The following RBFOX2 variants were observed in gnomAD, a reference collection of about 807,000 sequenced individuals.
RBFOX2 encodes RNA binding fox-1 homolog 2, also known as RNA binding protein fox-1 homolog 2.
RBFOX2 carries 10 observed loss-of-function variants against 49.1 expected under a neutral mutation model. The ratio of observed to expected loss-of-function variants is 0.20; its 90% CI spans 0.13 to 0.35. The LOEUF (loss-of-function observed/expected upper bound fraction) is 0.35. RBFOX2 is among the 10% of genes least tolerant of loss of function. The pLI is 1.00. For missense variants in RBFOX2, 323 were observed against 486.9 expected, an observed-to-expected ratio of 0.66 and a Z score of 3.17; for synonymous variants, 183 against 187.4, an observed-to-expected ratio of 0.98 and a Z score of 0.19.
intron 1 of RBFOX2, among the ~76,000 whole-genome samples, chr22:35,846,992 C>A (rs1419267715): frequency 6.6e-6 from 1 of 152,150 alleles, no homozygotes; most frequent in Non-Finnish European, 1.5e-5. Flanking sequence ...CCTTAACTTG[C>A]AACAAGTTAC....
intron 1 of RBFOX2, among the ~76,000 whole-genome samples, chr22:35,948,629 G>A (rs1433130336): frequency 1.3e-5 from 2 of 152,220 alleles, no homozygotes; most frequent in Non-Finnish European, 2.9e-5. Context: ...AAGCTGCAGT[G>A]AGCTGAGATT....
chr22:36,002,881 C>T (rs2058484017), intron 1 of RBFOX2, among the ~76,000 whole-genome samples: 1 of 152,248 alleles, frequency 6.6e-6, no homozygotes, highest in South Asian at 2.1e-4. Flanking sequence ...CCACCTTGGC[C>T]TCCCAAAGTG....
chr22:35,763,332 C>T (rs956907568), intron 6 of RBFOX2, among the ~76,000 whole-genome samples: 5 of 152,114 alleles, frequency 3.3e-5, no homozygotes, highest in Admixed American at 6.5e-5. Flanking sequence ...GAGGCTGAGG[C>T]GGAGGGATCA....
At chr22:35,983,367 T>C (rs966632762) in intron 1 of RBFOX2, among the ~76,000 whole-genome samples, 1 of 151,384 alleles carries the variant, frequency 6.6e-6, no homozygotes, top group Non-Finnish European at 1.5e-5. Flanking sequence ...CAGAACCTGA[T>C]AGAAAAGTAA....
intron 1 of RBFOX2, among the ~76,000 whole-genome samples, chr22:35,945,624 G>T (rs1256825429): frequency 6.6e-6 from 1 of 152,038 alleles, no homozygotes; most frequent in Admixed American, 6.5e-5. Flanking sequence ...TTTATCTTTT[G>T]TAGGGACAAG....
intron 9 of RBFOX2, chr22:35,747,295 T>C (rs1373010329): frequency 6.6e-6 from 1 of 152,228 alleles, no homozygotes; most frequent in Non-Finnish European, 1.5e-5. Context: ...CAATTACAAA[T>C]TTCTGAGGAT....
chr22:35,851,963 A>G (rs1341495957), intron 1 of RBFOX2, among the ~76,000 whole-genome samples: 1 of 152,190 alleles, frequency 6.6e-6, no homozygotes, highest in Non-Finnish European at 1.5e-5. Flanking sequence ...GTGCTTTGCC[A>G]TACCTTAAGG....
chr22:35,818,412 C>T (rs1234286884), intron 1 of RBFOX2, among the ~76,000 whole-genome samples: 1 of 152,186 alleles, frequency 6.6e-6, no homozygotes, highest in African/African-American at 2.4e-5. Flanking sequence ...CCAAACTTTT[C>T]ACTACAATCT....
At chr22:35,963,228 G>A (rs1400367336), upstream of RBFOX2, among the ~76,000 whole-genome samples, 1 of 152,126 alleles carries the variant, frequency 6.6e-6, no homozygotes, top group Non-Finnish European at 1.5e-5. Flanking sequence ...CTTTATAACT[G>A]TTGTGGAAAA....
chr22:35,900,593 T>TA (rs34716261), intron 1 of RBFOX2, among the ~76,000 whole-genome samples: 20,346 of 136,554 alleles, frequency 0.15, 3,292 homozygotes, highest in African/African-American at 0.41. Flanking sequence ...GAAGCTGACT[T>TA]AAAAAAAAAA....
At chr22:36,025,584 A>G (rs1388694808) in intron 1 of RBFOX2, among the ~76,000 whole-genome samples, 1 of 152,182 alleles carries the variant, frequency 6.6e-6, no homozygotes, top group Non-Finnish European at 1.5e-5. Flanking sequence ...ATGTTAGTTC[A>G]ATGAATAAAC....
At chr22:35,780,762 AG>A (rs1944977713) in intron 3 of RBFOX2, among the ~76,000 whole-genome samples, 1 of 152,270 alleles carries the variant, frequency 6.6e-6, no homozygotes, top group African/African-American at 2.4e-5. Flanking sequence ...AAATTCAAAA[AG>A]GTTACATGAA....
intron 1 of RBFOX2, among the ~76,000 whole-genome samples, chr22:35,826,574 A>C (rs1955786574): frequency 6.6e-6 from 1 of 152,084 alleles, no homozygotes; most frequent in Admixed American, 6.6e-5. Flanking sequence ...AAGTAAAAGT[A>C]AACAAACCTC....
At chr22:35,851,287 G>A (rs2041904543) in intron 1 of RBFOX2, among the ~76,000 whole-genome samples, 1 of 152,122 alleles carries the variant, frequency 6.6e-6, no homozygotes, top group African/African-American at 2.4e-5. Flanking sequence ...CTGATTCTAT[G>A]TGCATTACAC....
intron 1 of RBFOX2, among the ~76,000 whole-genome samples, chr22:35,869,226 T>C (rs2044048136): frequency 6.6e-6 from 1 of 152,064 alleles, no homozygotes; most frequent in African/African-American, 2.4e-5. Flanking sequence ...TGTGGTGCGA[T>C]CTCGGCTCAC....
chr22:35,973,030 A>G (rs1394346183), intron 1 of RBFOX2, among the ~76,000 whole-genome samples: 2 of 152,202 alleles, frequency 1.3e-5, no homozygotes, highest in Non-Finnish European at 2.9e-5. Context: ...TACCAAATCG[A>G]TCAAGAAGGC....
Position 35,778,088 on chromosome 22 carries a change from T to C in RBFOX2, c.400-10A>G. The C allele has an allele frequency of 6.2e-7, 1 of 1,603,410 alleles. No individual in the cohort carries two copies. On this transcript the variant is annotated splice_polypyrimidine_tract_variant and intron_variant, in intron 3 of 11. Transcript: ENST00000405409. ...GGATTTTGCCAAACTGCTGCAGAGA[T>C]AAAAATAAAAACGTTTACTTATGGT... is the stretch of plus-strand genomic sequence containing the variant.
intron 1 of RBFOX2, among the ~76,000 whole-genome samples, chr22:35,966,852 GC>G (rs747551311): frequency 5.3e-5 from 8 of 151,824 alleles, no homozygotes; most frequent in Non-Finnish European, 7.4e-5. Context: ...TTGCTCTGTT[GC>G]CCAGGCTGGA....
At chr22:35,951,539 C>A (rs1298153553) in intron 1 of RBFOX2, among the ~76,000 whole-genome samples, 2 of 152,092 alleles carry the variant, frequency 1.3e-5, no homozygotes, top group Non-Finnish European at 2.9e-5. Flanking sequence ...GCCACTGCGC[C>A]TGGAGGTAAA....
Sources: gnomAD v4.1 joint callset for allele counts (sites outside exome capture counted in the v4.1 genomes callset) on GRCh38, gnomAD v4.1.1 for gene constraint, MANE v1.5 for transcripts, NCBI Gene and HGNC (gene_info 2026-07-23, HGNC 2026-07-21) for gene names.